IGFL2: variants seen among roughly 807,000 people sequenced by gnomAD.
IGFL2 encodes the protein insulin growth factor-like family member 2.
Under a neutral mutation model 13.9 loss-of-function variants are expected in IGFL2, and 7 were observed. That is an observed-to-expected ratio of 0.51 (90% CI 0.29 to 0.95). The LOEUF (loss-of-function observed/expected upper bound fraction) is 0.95. IGFL2 is among the 40% of genes least tolerant of loss of function. The pLI is 0.08. For synonymous variants in IGFL2, 55 were observed against 55.8 expected, an observed-to-expected ratio of 0.99 and a Z score of 0.07; for missense variants, 138 against 147.8, an observed-to-expected ratio of 0.93 and a Z score of 0.34.
chr19:46,124,719 A>T, the IGFL2 span: 12 of 1,341,454 alleles, frequency 8.9e-6, 1 homozygote, highest in South Asian at 1.1e-4. Context: ...GACAGCCTAA[A>T]TGGGGTTGTC....
At chr19:46,124,139 C>G in the IGFL2 span, 1 of 1,610,734 alleles carries the variant, frequency 6.2e-7, no homozygotes, top group African/African-American at 1.4e-5. Flanking sequence ...AGCCACAGTC[C>G]TGAGCCAACA....
the IGFL2 span, chr19:46,123,771 A>G: frequency 3.1e-5 from 38 of 1,214,310 alleles, 4 homozygotes; most frequent in South Asian, 5.5e-4. Flanking sequence ...CCCTGCTGCC[A>G]CCAGCCTGAC....
At chr19:46,094,358 T>C in the IGFL2 span, among the ~76,000 whole-genome samples, 1 of 152,144 alleles carries the variant, frequency 6.6e-6, no homozygotes, top group Non-Finnish European at 1.5e-5. Context: ...TAAAAAAATA[T>C]TTAGATTGAT....
chr19:46,129,310 TGTGTGTGTGTG>T, the IGFL2 span, among the ~76,000 whole-genome samples: 1 of 50,726 alleles, frequency 2.0e-5, no homozygotes, highest in African/African-American at 6.6e-5. Context: ...TGATCTTTTG[TGTGTGTGTGTG>T]TGTGTGTGTG....
chr19:46,145,382 C>T (rs931793514), upstream of IGFL2, among the ~76,000 whole-genome samples: 45 of 151,816 alleles, frequency 3.0e-4, no homozygotes, highest in African/African-American at 1.1e-3. Context: ...TCACTTACAC[C>T]CCCAGTGGCC....
At chr19:46,165,444 A>G (rs976659025), downstream of IGFL2, among the ~76,000 whole-genome samples, 3 of 152,254 alleles carry the variant, frequency 2.0e-5, no homozygotes. Flanking sequence ...CACCTTCCAG[A>G]AACCAAAGTC....
the IGFL2 span, among the ~76,000 whole-genome samples, chr19:46,129,307 T>TTG: frequency 0.19 from 26,396 of 136,740 alleles, 2,376 homozygotes; most frequent in Non-Finnish European, 0.21. Context: ...TGTTGATCTT[T>TTG]TGTGTGTGTG....
intron 1 of IGFL2, among the ~76,000 whole-genome samples, chr19:46,150,786 T>C (rs376656781): frequency 6.6e-5 from 10 of 152,108 alleles, no homozygotes; most frequent in East Asian, 5.8e-4. Flanking sequence ...TCCTTCCACC[T>C]CAGCTCCCAA....
chr19:46,153,429 T>G (rs947255390), intron 1 of IGFL2, among the ~76,000 whole-genome samples: 5 of 152,202 alleles, frequency 3.3e-5, no homozygotes, highest in Non-Finnish European at 7.3e-5. Context: ...GTAAGTAATG[T>G]TGAACATTTT....
rs143247773 is a variant in IGFL2, at chr19:46,158,035, C to A, written c.20-2380C>A. 4.3e-3 allele frequency among the ~76,000 whole-genome samples: 647 copies of A among 152,100 alleles called. 5 individuals are homozygous for A. The highest frequency in any genetic ancestry group is 0.015 in the African/African-American group (606 of 41,470). ...GAAATTAATAACAAAATAGCACCTGCAATTGTTCAAAAATGAAAAAGTTAG... is the reference window on the plus strand; with the variant it reads ...GAAATTAATAACAAAATAGCACCTGAAATTGTTCAAAAATGAAAAAGTTAG... On this transcript the variant is annotated intron_variant, in intron 1 of 3. Transcript: ENST00000377693.
chr19:46,125,040 T>G, the IGFL2 span, among the ~76,000 whole-genome samples: 1 of 141,122 alleles, frequency 7.1e-6, no homozygotes, highest in Non-Finnish European at 1.5e-5. Flanking sequence ...AGAGAATGCT[T>G]CAGCCACTTC....
chr19:46,119,767 TAG>T, the IGFL2 span, among the ~76,000 whole-genome samples: 1 of 147,028 alleles, frequency 6.8e-6, no homozygotes, highest in Non-Finnish European at 1.5e-5. Context: ...GCTCAGCCTG[TAG>T]TGCTCAATTG....
At chr19:46,113,429 A>G in the IGFL2 span, 15 of 399,954 alleles carry the variant, frequency 3.8e-5, no homozygotes, top group East Asian at 1.0e-3. Context: ...TTTTGACTGA[A>G]CAAATGGAAT....
At chr19:46,195,544 T>C in the IGFL2 span, among the ~76,000 whole-genome samples, 8 of 152,164 alleles carry the variant, frequency 5.3e-5, no homozygotes. Flanking sequence ...TCTTTGCTTA[T>C]ATACACGCAA....
upstream of IGFL2, among the ~76,000 whole-genome samples, chr19:46,147,368 GT>G (rs201965629): frequency 0.034 from 5,232 of 152,230 alleles, 131 homozygotes; most frequent in East Asian, 0.071. Context: ...GGTCCCCTTA[GT>G]TACCCTCTCC....
chr19:46,124,687 G>A, the IGFL2 span: 1 of 1,589,214 alleles, frequency 6.3e-7, no homozygotes, highest in Non-Finnish European at 8.6e-7. Flanking sequence ...AAGAAGAGTG[G>A]TAAAAGGCTG....
intron 1 of IGFL2, among the ~76,000 whole-genome samples, chr19:46,157,145 A>G (rs1009239038): frequency 1.3e-5 from 2 of 152,182 alleles, no homozygotes; most frequent in Admixed American, 6.5e-5. Flanking sequence ...ATATCTCCTA[A>G]AAAGGAAATC....
chr19:46,079,634 C>T, the IGFL2 span, among the ~76,000 whole-genome samples: 2 of 152,246 alleles, frequency 1.3e-5, no homozygotes, highest in East Asian at 1.9e-4. Context: ...GGCAGGTACT[C>T]ATCTGCTTTA....
At chr19:46,099,875 A>G in the IGFL2 span, among the ~76,000 whole-genome samples, 1 of 151,428 alleles carries the variant, frequency 6.6e-6, no homozygotes, top group South Asian at 2.1e-4. Flanking sequence ...TGCTTGCCTT[A>G]TTTCAGCAAG....
Sources: gnomAD v4.1 joint callset for allele counts (sites outside exome capture counted in the v4.1 genomes callset) on GRCh38, gnomAD v4.1.1 for gene constraint, MANE v1.5 for transcripts, NCBI Gene and HGNC (gene_info 2026-07-23, HGNC 2026-07-21) for gene names.